Variants in ZDHHC17 observed in about 807,000 individuals in gnomAD.
The protein encoded by ZDHHC17 is palmitoyltransferase ZDHHC17.
A neutral mutation model predicts 90.3 loss-of-function variants in ZDHHC17; 40 were observed. The observed-to-expected ratio is 0.44, with a 90% CI of 0.34 to 0.58. The LOEUF (loss-of-function observed/expected upper bound fraction) is 0.58. ZDHHC17 is among the 20% of genes least tolerant of loss of function. The pLI is 0.01. For missense variants in ZDHHC17, 614 were observed against 780.8 expected, an observed-to-expected ratio of 0.79 and a Z score of 2.55; for synonymous variants, 235 against 252.4, an observed-to-expected ratio of 0.93 and a Z score of 0.65.
intron 3 of ZDHHC17, among the ~76,000 whole-genome samples, chr12:76,806,993 G>A (rs1952962690): frequency 6.6e-6 from 1 of 152,160 alleles, no homozygotes; most frequent in Admixed American, 6.5e-5. Context: ...GAGGGTAAAG[G>A]TGCACTAAAC....
At chr12:76,800,002 C>T (rs1952867791) in intron 2 of ZDHHC17, among the ~76,000 whole-genome samples, 1 of 152,146 alleles carries the variant, frequency 6.6e-6, no homozygotes, top group Admixed American at 6.5e-5. Context: ...TTTTATGCAC[C>T]TGTCACATGA....
chr12:76,780,393 C>T (rs1952608538), intron 1 of ZDHHC17, among the ~76,000 whole-genome samples: 2 of 152,146 alleles, frequency 1.3e-5, no homozygotes, highest in Non-Finnish European at 2.9e-5. Context: ...TTAAGGACAC[C>T]TCTCCAGCAG....
At chr12:76,767,935 G>A (rs1010497681) in intron 1 of ZDHHC17, among the ~76,000 whole-genome samples, 1 of 151,946 alleles carries the variant, frequency 6.6e-6, no homozygotes, top group Admixed American at 6.6e-5. Flanking sequence ...CCAAAGCTGT[G>A]GTGACAAACT....
In ZDHHC17 at chr12:76,852,367, C is replaced by T. The variant is rs961783937; in HGVS notation, c.*1382C>T. The T allele has an allele frequency of 1.3e-5, 2 of 152,570 alleles. No homozygotes were observed. Among genetic ancestry groups the T allele is most frequent in the African/African-American group, 4.8e-5 (2 of 41,426 alleles). 9.5% of individuals were successfully genotyped at this position (152,570 alleles called of 1,614,324 possible). ...CTAGACCAATGTAAAGAATGTGTAT[C>T]TGTATATAAATAATTTATCAAATAG... On this transcript the variant is annotated 3_prime_UTR_variant, in exon 17 of 17. Transcript: ENST00000426126.
At chr12:76,804,076 A>G (rs1302256207) in intron 2 of ZDHHC17, among the ~76,000 whole-genome samples, 3 of 152,172 alleles carry the variant, frequency 2.0e-5, no homozygotes, top group South Asian at 2.1e-4. Context: ...AGGTTTGACA[A>G]CTCTAGCTAG....
chr12:76,764,906 T>C, intron 1 of ZDHHC17: 1 of 455,340 alleles, frequency 2.2e-6, no homozygotes, highest in Non-Finnish European at 4.4e-6. Context: ...TAAAAACTTT[T>C]GGGAATAGAC....
intron 1 of ZDHHC17, among the ~76,000 whole-genome samples, chr12:76,794,965 T>C (rs11115453): frequency 0.011 from 1,678 of 152,320 alleles, 10 homozygotes; most frequent in Non-Finnish European, 0.017. Context: ...AGTTATGTTA[T>C]TACCTTTTGG....
intron 1 of ZDHHC17, among the ~76,000 whole-genome samples, chr12:76,773,112 C>T (rs1009906001): frequency 2.0e-5 from 3 of 152,166 alleles, no homozygotes; most frequent in East Asian, 1.9e-4. Context: ...TCTGCCTCGA[C>T]GTCTCAAAGT....
In ZDHHC17 at chr12:76,846,497, T is replaced by G. The variant is rs893102152; in HGVS notation, c.1424-99T>G. ...ATAATGAATGTATGTGTGATTATCA[T>G]CAAAACTGTAGCACACCTTTCATGG... On this transcript the variant is annotated intron_variant, in intron 13 of 16. Transcript: ENST00000426126. 5 of 815,660 alleles carry G rather than the reference T, an allele frequency of 6.1e-6. No individual in the cohort carries two copies. The African/African-American group carries it at 6.9e-5, about 11-fold the overall frequency. The allele number at this position is 815,660 out of a possible 1,614,324, so 50.5% of individuals were successfully genotyped here.
At chr12:76,781,780 C>T (rs1400803620) in intron 1 of ZDHHC17, 1 of 427,372 alleles carries the variant, frequency 2.3e-6, no homozygotes, top group Non-Finnish European at 4.7e-6. Context: ...ATATATCTGG[C>T]TTATTCATGT....
chr12:76,782,349 T>G (rs981296769), intron 1 of ZDHHC17, among the ~76,000 whole-genome samples: 5 of 152,094 alleles, frequency 3.3e-5, no homozygotes, highest in African/African-American at 1.2e-4. Context: ...ATGATTTGGG[T>G]CTCCTGGAGT....
chr12:76,788,817 C>T (rs1167616328), intron 1 of ZDHHC17, among the ~76,000 whole-genome samples: 1 of 150,916 alleles, frequency 6.6e-6, no homozygotes, highest in African/African-American at 2.4e-5. Context: ...CTGCCTCAGC[C>T]TGTCGAGTGG....
intron 7 of ZDHHC17, among the ~76,000 whole-genome samples, chr12:76,816,890 A>C (rs1953094447): frequency 6.6e-6 from 1 of 152,070 alleles, no homozygotes; most frequent in Non-Finnish European, 1.5e-5. Flanking sequence ...AAACCATAAG[A>C]GATTGATAAA....
intron 1 of ZDHHC17, among the ~76,000 whole-genome samples, chr12:76,788,854 G>A (rs1298715674): frequency 1.3e-5 from 2 of 151,508 alleles, no homozygotes; most frequent in African/African-American, 2.4e-5. Context: ...GCACCACCAC[G>A]CCCAGCTAAT....
Position 76,851,658 on chromosome 12 carries a change from A to G in ZDHHC17, c.*673A>G, listed in dbSNP as rs1953569474. On this transcript the variant is annotated 3_prime_UTR_variant, in exon 17 of 17. Transcript: ENST00000426126. ...TACTCTGAGGTTTTACGGTCTGATA[A>G]TGAAGCACTTGCATGAGTATAGTAA... is the stretch of plus-strand genomic sequence containing the variant. 1 of 152,746 alleles carries G rather than the reference A, an allele frequency of 6.5e-6. No individual in the cohort carries two copies. Among genetic ancestry groups the G allele is most frequent in the African/African-American group, 2.4e-5 (1 of 41,470 alleles). 9.5% of individuals were successfully genotyped at this position (152,746 alleles called of 1,614,324 possible).
chr12:76,796,643 A>T (rs1402931779), intron 1 of ZDHHC17, among the ~76,000 whole-genome samples: 1 of 152,210 alleles, frequency 6.6e-6, no homozygotes, highest in Non-Finnish European at 1.5e-5. Flanking sequence ...TCAGAGCATG[A>T]AGAAGTTTAG....
chr12:76,770,688 G>A (rs562664831), intron 1 of ZDHHC17, among the ~76,000 whole-genome samples: 9 of 152,188 alleles, frequency 5.9e-5, no homozygotes, highest in East Asian at 1.9e-4. Context: ...CTGTAATTGC[G>A]GCACTTTGGG....
rs58051393 is a variant in ZDHHC17, at chr12:76,829,455, CAAAAAAAAAAAAAAA to C, written c.1141+980_1141+994del. On this transcript the variant is annotated intron_variant, in intron 10 of 16. Transcript: ENST00000426126. ...TGGGTGACAGAGTGAGACTATGTCT[CAAAAAAAAAAAAAAA>C]AAAAAAAAAAAAAAGAACTACCATT... is the stretch of plus-strand genomic sequence containing the variant. Among the ~76,000 whole-genome samples the C allele has an allele frequency of 1.2e-3, 88 of 71,922 alleles. 3 individuals are homozygous for C. The South Asian group carries it at 0.043, about 35-fold the overall frequency. 47.2% of individuals were successfully genotyped at this position (71,922 alleles called of 152,430 possible).
chr12:76,814,715 T>A (rs539432752), intron 5 of ZDHHC17, among the ~76,000 whole-genome samples: 1 of 151,948 alleles, frequency 6.6e-6, no homozygotes, highest in African/African-American at 2.4e-5. Flanking sequence ...AATGTACATG[T>A]GTAACAGTAA....
Sources: allele counts gnomAD v4.1 joint callset (sites outside exome capture counted in the v4.1 genomes callset), GRCh38; gene constraint gnomAD v4.1.1; transcripts MANE v1.5; gene names NCBI Gene and HGNC (gene_info 2026-07-23, HGNC 2026-07-21).